MPHOSPH10: variants seen among roughly 807,000 people sequenced by gnomAD.
MPHOSPH10 encodes the protein U3 small nucleolar ribonucleoprotein MPP10.
A neutral mutation model predicts 77.3 loss-of-function variants in MPHOSPH10; 33 were observed. The ratio of observed to expected loss-of-function variants is 0.43; its 90% confidence interval spans 0.32 to 0.57. The LOEUF (loss-of-function observed/expected upper bound fraction) is 0.57, where lower values mean the gene tolerates loss of function less well. MPHOSPH10 is among the 20% of genes least tolerant of loss of function. The pLI, the probability that MPHOSPH10 is intolerant of heterozygous loss-of-function variation, is 0.07. For synonymous variants in MPHOSPH10, 245 were observed against 268.0 expected, an observed-to-expected ratio of 0.91 and a Z score of 0.84; for missense variants, 708 against 780.1, an observed-to-expected ratio of 0.91 and a Z score of 1.10.
At chr2:71,135,450 G>A (rs151268265) in intron 4 of MPHOSPH10, among the ~76,000 whole-genome samples, 2,720 of 151,768 alleles carry the variant, frequency 0.018, 78 homozygotes, top group African/African-American at 0.063. Flanking sequence ...GGGAGGCTGA[G>A]GCAGGAGAAT....
chr2:71,134,092 A>C lies in MPHOSPH10; in HGVS notation c.913A>C (p.Ser305Arg). Reference sequence around the variant, plus strand: ...TGCTGAAGAAGAAGCAGAAGAACTAAGTATTTCGGAAACGTGAGTATTTTG... The same window carrying C: ...TGCTGAAGAAGAAGCAGAAGAACTACGTATTTCGGAAACGTGAGTATTTTG... ...EIAEEEAEELSISETDEDDDL... is the reference protein window; with the variant it reads ...EIAEEEAEELRISETDEDDDL... The change falls in exon 3 of 11, where the codon AGT (serine) becomes CGT (arginine). Residue 305 changes from serine (S) to arginine (R), a missense_variant. Ser to Arg is a moderately radical substitution (Grantham distance 110). Transcript: ENST00000244230. The C allele has an allele frequency of 6.2e-7, 1 of 1,605,234 alleles. No individual in the cohort carries two copies. Among genetic ancestry groups the C allele is most frequent in the East Asian group, 2.2e-5 (1 of 44,626 alleles).
chr2:71,142,121 C>G (rs1281946291), intron 7 of MPHOSPH10, among the ~76,000 whole-genome samples: 1 of 152,084 alleles, frequency 6.6e-6, no homozygotes, highest in Non-Finnish European at 1.5e-5. Context: ...ATATAATAAT[C>G]GAATTATTCC....
chr2:71,136,230 A>G (rs1254484665), intron 4 of MPHOSPH10, among the ~76,000 whole-genome samples: 1 of 152,204 alleles, frequency 6.6e-6, no homozygotes, highest in Non-Finnish European at 1.5e-5. Context: ...CACAATAAAA[A>G]TGAGAATAGG....
chr2:71,133,156 A>G lies in MPHOSPH10; in HGVS notation c.348A>G (p.Glu116=). The stretch of plus-strand genomic sequence containing the variant: ...CAGAGAGTGAAGAACAGGAACGTGA[A>G]GAGGATGGTTCAGAGATAGAGGCTG... The part of the protein sequence containing the change: ...LLPESEEQER[E]EDGSEIEADD... Residue 116 remains glutamate (E), a synonymous_variant, in exon 2 of 11, where the codon GAA becomes GAG. Coordinates refer to ENST00000244230, the MANE Select transcript of MPHOSPH10 (RefSeq NM_005791.3). 1 of 1,614,162 alleles carries G rather than the reference A, an allele frequency of 6.2e-7. No individual in the cohort carries two copies.
intron 6 of MPHOSPH10, 132 bp downstream of exon 6, chr2:71,139,994 C>T (rs1673580247): frequency 3.2e-6 from 2 of 634,044 alleles, no homozygotes; most frequent in Admixed American, 5.1e-5. Flanking sequence ...TCTAGGCTAC[C>T]TAGTCAGCTT....
At chr2:71,131,943 A>T (rs762943680) in intron 1 of MPHOSPH10, among the ~76,000 whole-genome samples, 21 of 152,304 alleles carry the variant, frequency 1.4e-4, no homozygotes, top group Non-Finnish European at 2.8e-4. Flanking sequence ...AGGGGTTACA[A>T]TGGCTGAGCT....
rs1673417847 is a variant in MPHOSPH10 at position 71,133,070 on chromosome 2, T to G, written c.262T>G (p.Leu88Val). ...ACTGGAATTGCAAAATGAACCAATTTTACAATACTTTCAGAATGCAGTTAG... is the reference window on the plus strand; with the variant it reads ...ACTGGAATTGCAAAATGAACCAATTGTACAATACTTTCAGAATGCAGTTAG... ...QQLELQNEPILQYFQNAVSET... is the reference protein window; with the variant it reads ...QQLELQNEPIVQYFQNAVSET... Residue 88 changes from leucine to valine, a missense_variant, in exon 2 of 11, where the codon TTA (leucine) becomes GTA (valine). Coordinates refer to ENST00000244230, the MANE Select transcript of MPHOSPH10 (RefSeq NM_005791.3). The G allele has an allele frequency of 1.2e-6, 2 of 1,614,038 alleles. No individual in the cohort carries two copies.
At chr2:71,140,744 T>C (rs1673594441) in intron 6 of MPHOSPH10, among the ~76,000 whole-genome samples, 1 of 152,002 alleles carries the variant, frequency 6.6e-6, no homozygotes, top group Non-Finnish European at 1.5e-5. Context: ...GATGGCCTTA[T>C]AACATGTGTA....
chr2:71,148,121 T>C lies in MPHOSPH10; in HGVS notation c.1665+15T>C, dbSNP rs1308315537. The C allele has an allele frequency of 1.3e-6, 2 of 1,593,244 alleles. No individual in the cohort carries two copies. The highest frequency in any genetic ancestry group is 1.1e-5 in the South Asian group (1 of 90,702). ...AGGAGATCAAGGTAAGAAGCCAATGTTGAAACCTTAAATGTCTGTTACAAG... is the reference window on the plus strand; with the variant it reads ...AGGAGATCAAGGTAAGAAGCCAATGCTGAAACCTTAAATGTCTGTTACAAG... On this transcript the variant is annotated intron_variant, in intron 9 of 10. Coordinates refer to ENST00000244230, the MANE Select transcript of MPHOSPH10 (RefSeq NM_005791.3).
At position 71,149,209 on chromosome 2, in the gene MPHOSPH10, TA is replaced by T; in HGVS notation, c.1666-13del. ...CTTGATGAATGAATATGTTGGTGGT[TA>T]TTTTTTTAATAGGAGAAAAATAAAG... On this transcript the variant is annotated splice_polypyrimidine_tract_variant and intron_variant, in intron 9 of 10. Coordinates refer to ENST00000244230, the MANE Select transcript of MPHOSPH10 (RefSeq NM_005791.3). 6.5e-7 allele frequency: 1 copy of T among 1,534,922 alleles called. No homozygotes were observed. Among genetic ancestry groups the T allele is most frequent in the Non-Finnish European group, 8.8e-7 (1 of 1,142,584 alleles).
chr2:71,133,898 A>G (rs750265287), intron 2 of MPHOSPH10, 50 bp from the exon 3 acceptor site: 1 of 1,260,700 alleles, frequency 7.9e-7, no homozygotes, highest in Non-Finnish European at 1.1e-6. Flanking sequence ...GCATGTGTTA[A>G]TATATTTTTC....
intron 10 of MPHOSPH10, among the ~76,000 whole-genome samples, 158 bp from the exon 11 acceptor site, chr2:71,149,708 C>G (rs1023222582): frequency 6.6e-6 from 1 of 152,228 alleles, no homozygotes; most frequent in Non-Finnish European, 1.5e-5. Context: ...TGTAGCAGTG[C>G]AGAATACCTC....
intron 10 of MPHOSPH10, 140 bp downstream of exon 10, chr2:71,149,593 G>A (rs1232579435): frequency 3.6e-6 from 3 of 841,040 alleles, no homozygotes; most frequent in East Asian, 2.6e-5. Flanking sequence ...GGCTGGAATC[G>A]CAACCTTTAA....
chr2:71,142,077 G>A (rs114938707), intron 7 of MPHOSPH10, among the ~76,000 whole-genome samples: 1,791 of 152,180 alleles, frequency 0.012, 17 homozygotes, highest in Middle Eastern at 0.024. Context: ...TAAATAATAG[G>A]ACAAGGTCCT....
chr2:71,146,436 A>G (rs968852993), intron 8 of MPHOSPH10, among the ~76,000 whole-genome samples: 2 of 147,482 alleles, frequency 1.4e-5, no homozygotes, highest in African/African-American at 5.0e-5. Flanking sequence ...CCCAAGTTTA[A>G]GCGATTCTCC....
intron 5 of MPHOSPH10, chr2:71,139,010 G>A: frequency 2.1e-6 from 1 of 473,466 alleles, no homozygotes; most frequent in Non-Finnish European, 3.8e-6. Flanking sequence ...CTCCAGCGTG[G>A]GCAGCCTGGG....
intron 7 of MPHOSPH10, among the ~76,000 whole-genome samples, chr2:71,143,134 C>A (rs1309195100): frequency 2.6e-5 from 4 of 151,030 alleles, no homozygotes; most frequent in African/African-American, 4.9e-5. Flanking sequence ...TAACACTTTA[C>A]TTCTTTTTTT....
chr2:71,137,352 G>C (rs1422227280), intron 4 of MPHOSPH10, among the ~76,000 whole-genome samples: 1 of 152,062 alleles, frequency 6.6e-6, no homozygotes, highest in Non-Finnish European at 1.5e-5. Context: ...AACTACAAAA[G>C]ATAAAGATAA....
intron 1 of MPHOSPH10, among the ~76,000 whole-genome samples, chr2:71,131,875 C>T (rs112713960): frequency 0.041 from 6,169 of 152,124 alleles, 371 homozygotes; most frequent in African/African-American, 0.13. Flanking sequence ...TGTGGTTTTT[C>T]GGCTGCCCCA....
Sources: allele counts gnomAD v4.1 joint callset (sites outside exome capture counted in the v4.1 genomes callset), GRCh38; gene constraint gnomAD v4.1.1; transcripts MANE v1.5; gene names NCBI Gene and HGNC (gene_info 2026-07-23, HGNC 2026-07-21).